The following LAMA3 variants were observed in gnomAD, a reference collection of about 807,000 sequenced individuals.
LAMA3 encodes laminin subunit alpha-3.
Under a neutral mutation model 402.0 loss-of-function variants are expected in LAMA3, and 281 were observed. That is an observed-to-expected ratio of 0.70 (90% CI 0.63 to 0.77). The LOEUF (loss-of-function observed/expected upper bound fraction) is 0.77, where lower values mean the gene tolerates loss of function less well. Among genes scored for constraint, LAMA3 ranks in the 30% least tolerant of loss-of-function variants. LAMA3 has a pLI of 0.00. For missense variants in LAMA3, 3,840 were observed against 4,215.5 expected (o/e 0.91, Z 2.47); for synonymous variants, 1,431 against 1,558.4 (o/e 0.92, Z 1.93).
chr18:23,763,921 C>G (rs1157788029), intron 8 of LAMA3, among the ~76,000 whole-genome samples: 1 of 152,130 alleles, frequency 6.6e-6, no homozygotes, highest in Non-Finnish European at 1.5e-5. Flanking sequence ...TGAGGAAATG[C>G]ATCATGATCA....
At chr18:23,739,691 T>C (rs950841572) in intron 2 of LAMA3, among the ~76,000 whole-genome samples, 7 of 152,326 alleles carry the variant, frequency 4.6e-5, no homozygotes, top group Non-Finnish European at 8.8e-5. Context: ...AGGAGGAAAC[T>C]GGAGTGTTAT....
intron 2 of LAMA3, among the ~76,000 whole-genome samples, chr18:23,735,100 A>G (rs939154867): frequency 3.3e-5 from 5 of 152,216 alleles, no homozygotes; most frequent in Non-Finnish European, 7.3e-5. Context: ...CAAGAAGGAA[A>G]GGGTTCCTCG....
At position 23,819,993 on chromosome 18, in the gene LAMA3, TACAGG is replaced by T; in HGVS notation, c.2301_2304+1del. ...AGAGGATATGCCCAAATGACCTCAG[TACAGG>T]TACGCAACCCGAAGAGAGCAGCTTC... On this transcript the variant is annotated splice_donor_variant and coding_sequence_variant, in exon 19 of 75. Coordinates refer to ENST00000313654, the MANE Select transcript of LAMA3 (RefSeq NM_198129.4). LOFTEE classifies it high-confidence loss of function. 2 of 1,614,062 alleles carry T rather than the reference TACAGG, an allele frequency of 1.2e-6. No homozygotes were observed. The highest frequency in any genetic ancestry group is 2.2e-5 in the South Asian group (2 of 91,072).
chr18:23,926,069 AGT>A (rs1409503239), intron 62 of LAMA3, among the ~76,000 whole-genome samples: 1 of 152,200 alleles, frequency 6.6e-6, no homozygotes, highest in East Asian at 1.9e-4. Context: ...GAAGATTCAG[AGT>A]GTGTAAAGGA....
chr18:23,895,043 G>A lies in LAMA3; in HGVS notation c.5598G>A (p.Gln1866=). ...AGCAGATGAGGCACATGGAGACCCA[G>A]GCCAAGGACCTGAGGGTAAATCCCC... ...LLEQMRHMET[Q]AKDLRNQLLN... The change falls in exon 44 of 75, where the codon CAG becomes CAA. Residue 1866 remains glutamine, a synonymous_variant. Coordinates refer to ENST00000313654, the MANE Select transcript of LAMA3 (RefSeq NM_198129.4). 2 of 1,604,404 alleles carry A rather than the reference G, an allele frequency of 1.2e-6. No individual in the cohort carries two copies. The highest frequency in any genetic ancestry group is 1.7e-6 in the Non-Finnish European group (2 of 1,175,456).
At chr18:23,949,970 T>C (rs1214724013) in intron 71 of LAMA3, 46 bp downstream of exon 71, 13 of 1,614,102 alleles carry the variant, frequency 8.1e-6, no homozygotes, top group Non-Finnish European at 1.0e-5. Context: ...TCTTAAGAAC[T>C]GTATCCTGTT....
intron 6 of LAMA3, among the ~76,000 whole-genome samples, chr18:23,755,316 G>A (rs1249043192): frequency 6.6e-6 from 1 of 152,194 alleles, no homozygotes; most frequent in East Asian, 1.9e-4. Flanking sequence ...GTTCTACACT[G>A]GGTGGTTAAT....
At chr18:23,748,376 G>A (rs1423929887) in intron 3 of LAMA3, among the ~76,000 whole-genome samples, 1 of 148,722 alleles carries the variant, frequency 6.7e-6, no homozygotes, top group Non-Finnish European at 1.5e-5. Flanking sequence ...AGCCAAGATT[G>A]TACCACTGCA....
intron 11 of LAMA3, among the ~76,000 whole-genome samples, chr18:23,783,302 A>C (rs1253834606): frequency 1.3e-5 from 2 of 152,176 alleles, no homozygotes; most frequent in African/African-American, 4.8e-5. Flanking sequence ...ATGTGATCCC[A>C]AAAATGAAAG....
chr18:23,737,092 C>T (rs1476576304), intron 2 of LAMA3, among the ~76,000 whole-genome samples: 3 of 152,030 alleles, frequency 2.0e-5, no homozygotes, highest in Admixed American at 6.5e-5. Context: ...CTGGGTGTGC[C>T]CAGAGCCAAG....
chr18:23,772,950 C>T (rs111962607), intron 8 of LAMA3, among the ~76,000 whole-genome samples: 59 of 152,280 alleles, frequency 3.9e-4, no homozygotes, highest in Admixed American at 1.4e-3. Context: ...AAATGAGCTC[C>T]GTGTATGAGA....
At chr18:23,948,869 C>T (rs910110719) in intron 70 of LAMA3, among the ~76,000 whole-genome samples, 16 of 152,188 alleles carry the variant, frequency 1.1e-4, no homozygotes, top group African/African-American at 3.4e-4. Flanking sequence ...TGTGCCTGGC[C>T]ACCATTTTCT....
chr18:23,882,957 G>A (rs1011249750), intron 40 of LAMA3, among the ~76,000 whole-genome samples: 3 of 152,232 alleles, frequency 2.0e-5, no homozygotes, highest in Non-Finnish European at 4.4e-5. Context: ...CAGTGAGGGG[G>A]TGGCTGCTTT....
At chr18:23,713,616 C>G (rs1467306474) in intron 1 of LAMA3, among the ~76,000 whole-genome samples, 2 of 152,094 alleles carry the variant, frequency 1.3e-5, no homozygotes, top group Non-Finnish European at 2.9e-5. Context: ...ACAACAGGCT[C>G]TTCTTGAAGT....
intron 8 of LAMA3, among the ~76,000 whole-genome samples, chr18:23,770,618 G>T (rs1419507995): frequency 6.6e-6 from 1 of 152,004 alleles, no homozygotes; most frequent in Non-Finnish European, 1.5e-5. Flanking sequence ...AAAATTAGCC[G>T]GGCATGGTGG....
At chr18:23,880,776 C>G (rs1402844352) in intron 39 of LAMA3, among the ~76,000 whole-genome samples, 1 of 152,148 alleles carries the variant, frequency 6.6e-6, no homozygotes, top group African/African-American at 2.4e-5. Flanking sequence ...ACTCGGGAGG[C>G]TGAGGCAGGA....
In LAMA3 at chr18:23,858,800, T is replaced by C. The variant is rs747629650; in HGVS notation, c.4393T>C (p.Cys1465Arg). 6.2e-7 allele frequency: 1 copy of C among 1,614,212 alleles called. No homozygotes were observed. Among genetic ancestry groups the C allele is most frequent in the South Asian group, 1.1e-5 (1 of 91,086 alleles). Residue 1465 changes from cysteine (C) to arginine (R), a missense_variant, in exon 34 of 75, where the codon TGT (cysteine) becomes CGT (arginine). This residue lies in a region of LAMA3 where 2,109 missense variants were observed against 2,376.0 expected (regional missense o/e 0.89). Transcript: ENST00000313654. ...TTTCTGTTTTGGAGTAAATAATCAA[T>C]GTCACAGCTCACATAAGCGAAGGAC... ...SCFCFGVNNQ[C>R]HSSHKRRTKF...
intron 27 of LAMA3, among the ~76,000 whole-genome samples, chr18:23,841,012 G>A (rs1238452366): frequency 6.6e-6 from 1 of 152,178 alleles, no homozygotes; most frequent in African/African-American, 2.4e-5. Flanking sequence ...TGTCCAACCT[G>A]TATTATGTCC....
chr18:23,889,891 T>C, intron 41 of LAMA3, 120 bp from the exon 42 acceptor site: 1 of 787,970 alleles, frequency 1.3e-6, no homozygotes, highest in South Asian at 1.3e-5. Flanking sequence ...TGCAGATCTA[T>C]GTCGGTCTTC....
Sources: allele counts gnomAD v4.1 joint callset (sites outside exome capture counted in the v4.1 genomes callset), GRCh38; gene constraint gnomAD v4.1.1; regional missense constraint gnomAD v4.1.1; transcripts MANE v1.5; gene names NCBI Gene and HGNC (gene_info 2026-07-23, HGNC 2026-07-21).